Variants in NXPE1 observed in about 807,000 individuals in gnomAD.
The protein encoded by NXPE1 is NXPE family member 1.
In NXPE1, 31 loss-of-function variants were observed where a neutral mutation model predicts 33.3. The ratio of observed to expected loss-of-function variants is 0.93; its 90% CI spans 0.70 to 1.26. NXPE1 has a LOEUF of 1.26. Ranked by LOEUF, NXPE1 falls within the 50% of genes most tolerant of loss-of-function variation. NXPE1 has a pLI of 0.00. For missense variants in NXPE1, 661 were observed against 655.6 expected (o/e 1.01, Z -0.09); for synonymous variants, 229 against 231.4 (o/e 0.99, Z 0.09).
chr11:114,527,789 T>G, intron 7 of NXPE1, 51 bp downstream of exon 7: 1 of 1,290,020 alleles, frequency 7.8e-7, no homozygotes. Context: ...AGGTTAATGC[T>G]GATAAAAGTT....
At chr11:114,545,054 C>G (rs1272826830) in intron 5 of NXPE1, among the ~76,000 whole-genome samples, 1 of 151,948 alleles carries the variant, frequency 6.6e-6, no homozygotes, top group African/African-American at 2.4e-5. Flanking sequence ...TAAAAAAAAA[C>G]CTGACAATAC....
At chr11:114,537,728 T>C (rs578136824) in intron 5 of NXPE1, among the ~76,000 whole-genome samples, 117 of 151,980 alleles carry the variant, frequency 7.7e-4, no homozygotes, top group African/African-American at 2.7e-3. Context: ...TTACAAGGGA[T>C]GTGAAGGACC....
intron 5 of NXPE1, among the ~76,000 whole-genome samples, chr11:114,538,543 T>G (rs1397758534): frequency 6.6e-6 from 1 of 152,228 alleles, no homozygotes; most frequent in Admixed American, 6.5e-5. Context: ...GATAAAGGGC[T>G]AATATCCAGA....
chr11:114,534,845 G>A (rs1209414730), intron 5 of NXPE1, among the ~76,000 whole-genome samples: 1 of 152,152 alleles, frequency 6.6e-6, no homozygotes, highest in Non-Finnish European at 1.5e-5. Flanking sequence ...GAACCAAGTT[G>A]GAAAACACTC....
intron 1 of NXPE1, among the ~76,000 whole-genome samples, chr11:114,557,059 A>G (rs1353025621): frequency 1.3e-5 from 2 of 151,640 alleles, no homozygotes; most frequent in Non-Finnish European, 2.9e-5. Context: ...CACCTGGCCA[A>G]TTTTTTGTAG....
intron 5 of NXPE1, among the ~76,000 whole-genome samples, chr11:114,538,066 G>C (rs1229351833): frequency 2.0e-5 from 3 of 152,022 alleles, no homozygotes; most frequent in Admixed American, 2.0e-4. Context: ...GCATGGTACT[G>C]GTACCAAAAC....
chr11:114,534,644 G>A (rs768347559), intron 5 of NXPE1, among the ~76,000 whole-genome samples: 13 of 152,196 alleles, frequency 8.5e-5, no homozygotes, highest in Non-Finnish European at 1.3e-4. Flanking sequence ...AAATGCACAA[G>A]CTTCAGTAAC....
chr11:114,555,372 A>G (rs1020473084), intron 1 of NXPE1, among the ~76,000 whole-genome samples: 6 of 152,098 alleles, frequency 3.9e-5, no homozygotes, highest in Non-Finnish European at 8.8e-5. Context: ...TACAACAGGT[A>G]TGTGCCACCA....
At chr11:114,552,386 CTG>C (rs1948519154) in intron 2 of NXPE1, among the ~76,000 whole-genome samples, 1 of 152,092 alleles carries the variant, frequency 6.6e-6, no homozygotes, top group Admixed American at 6.6e-5. Flanking sequence ...TTCCAAAAGA[CTG>C]TCAATTTCTG....
exon 8 of NXPE1, chr11:114,523,068 A>C (rs1032005129): frequency 6.2e-7 from 1 of 1,613,206 alleles, no homozygotes; most frequent in Admixed American, 1.7e-5. Context: ...CCAACTTGGC[A>C]TGTCTCTTCT....
chr11:114,520,527 T>TA (rs1169834225), downstream of NXPE1, among the ~76,000 whole-genome samples: 3 of 152,230 alleles, frequency 2.0e-5, no homozygotes, highest in African/African-American at 7.2e-5. Flanking sequence ...GATGGGCACT[T>TA]ATGTTGTTTC....
At chr11:114,522,219 A>G (rs1375031051) in exon 9 of NXPE1, 1 of 1,614,054 alleles carries the variant, frequency 6.2e-7, no homozygotes, top group East Asian at 2.2e-5. Context: ...CTTCTTAGGA[A>G]CAGTCTTTCA....
intron 5 of NXPE1, among the ~76,000 whole-genome samples, chr11:114,541,297 A>G (rs898461740): frequency 6.6e-6 from 1 of 152,208 alleles, no homozygotes; most frequent in African/African-American, 2.4e-5. Context: ...ATGGAAGCCA[A>G]CCCTGAGATA....
intron 7 of NXPE1, among the ~76,000 whole-genome samples, chr11:114,523,768 C>G (rs1947285958): frequency 6.6e-6 from 1 of 152,130 alleles, no homozygotes; most frequent in African/African-American, 2.4e-5. Context: ...AAAGGGCATC[C>G]AATTTCTCCT....
chr11:114,525,261 C>T (rs765251726), intron 7 of NXPE1, among the ~76,000 whole-genome samples: 12 of 152,020 alleles, frequency 7.9e-5, no homozygotes, highest in Non-Finnish European at 1.6e-4. Flanking sequence ...TTGCATAGAC[C>T]TGCCCACTGA....
intron 5 of NXPE1, among the ~76,000 whole-genome samples, chr11:114,534,150 C>T (rs1947700186): frequency 6.6e-6 from 1 of 152,200 alleles, no homozygotes; most frequent in African/African-American, 2.4e-5. Context: ...TCTGCAGCCA[C>T]CACTGCTGAT....
chr11:114,550,281 A>G (rs1948430552), intron 5 of NXPE1, among the ~76,000 whole-genome samples: 2 of 152,156 alleles, frequency 1.3e-5, no homozygotes, highest in South Asian at 4.1e-4. Flanking sequence ...AGAAAAGCCA[A>G]AAGTGTTGGG....
At chr11:114,552,974 G>T in intron 1 of NXPE1, 94 bp from the exon 2 acceptor site, 1 of 463,776 alleles carries the variant, frequency 2.2e-6, no homozygotes. Flanking sequence ...GTTGATCTCT[G>T]AAGAAACCTT....
intron 2 of NXPE1, among the ~76,000 whole-genome samples, chr11:114,552,302 T>TG (rs1226703003): frequency 7.2e-5 from 11 of 152,122 alleles, no homozygotes; most frequent in African/African-American, 2.7e-4. Context: ...AATGAATGAA[T>TG]ACAGAAGAGA....
Sources: gnomAD v4.1 joint callset for allele counts (sites outside exome capture counted in the v4.1 genomes callset) on GRCh38, gnomAD v4.1.1 for gene constraint, MANE v1.5 for transcripts, NCBI Gene and HGNC (gene_info 2026-07-23, HGNC 2026-07-21) for gene names.